Variants in VPS13B observed in about 807,000 individuals in gnomAD.
The protein encoded by VPS13B is intermembrane lipid transfer protein VPS13B.
In VPS13B, 285 loss-of-function variants were observed where a neutral mutation model predicts 426.4. That is an observed-to-expected ratio of 0.67 (90% CI 0.61 to 0.74). VPS13B has a LOEUF of 0.74. Ranked by LOEUF, VPS13B falls within the 30% of genes least tolerant of loss-of-function variation. The probability of loss-of-function intolerance (pLI) is 0.00; values close to 1 mark genes in which losing one functional copy is unlikely to be tolerated. For synonymous variants in VPS13B, 1,676 were observed against 1,676.4 expected, an observed-to-expected ratio of 1.00 and a Z score of 0.01; for missense variants, 4,537 against 4,782.6, an observed-to-expected ratio of 0.95 and a Z score of 1.51.
chr8:99,260,737 T>C (rs1314474557), intron 17 of VPS13B, among the ~76,000 whole-genome samples: 1 of 151,980 alleles, frequency 6.6e-6, no homozygotes. Context: ...AATCTTCTTT[T>C]GAGACTATAT....
chr8:99,511,441 T>C lies in VPS13B; in HGVS notation c.4562T>C (p.Leu1521Ser). 6.2e-7 allele frequency: 1 copy of C among 1,613,506 alleles called. No individual in the cohort carries two copies. The highest frequency in any genetic ancestry group is 8.5e-7 in the Non-Finnish European group (1 of 1,179,930). Residue 1521 changes from leucine (L) to serine (S), a missense_variant, in exon 29 of 62, where the codon TTG becomes TCG. Physicochemically the swap from Leu to Ser is moderately radical, Grantham distance 145. This residue lies in a region of VPS13B where 4,311 missense variants were observed against 4,474.3 expected (regional missense o/e 0.96). Transcript: ENST00000357162. The part of the protein sequence containing the change: ...THTLTSRNLP[L>S]IYVNTSVIRI... ...ACACTGACATCCCGCAATTTACCTT[T>C]GATTTATGTCAACACAAGTGTAATC...
At chr8:99,030,382 C>T (rs79652841) in intron 2 of VPS13B, among the ~76,000 whole-genome samples, 10 of 151,932 alleles carry the variant, frequency 6.6e-5, no homozygotes, top group Non-Finnish European at 1.2e-4. Flanking sequence ...TCTCCGGATA[C>T]TCTGGTTTCC....
In VPS13B at chr8:99,397,735, T is replaced by TTG. The variant is rs1814815501; in HGVS notation, c.3082+6032_3082+6033insGT. On this transcript the variant is annotated intron_variant, in intron 21 of 61. Coordinates refer to ENST00000357162, the MANE Select transcript of VPS13B (RefSeq NM_152564.5). ...TGGTTCATGATGGTGGCTTCAGCAG[T>TTG]TAATCAAGTCTGCATTTCAGTGAGC... 2.6e-5 allele frequency among the ~76,000 whole-genome samples: 4 copies of TTG among 152,180 alleles called. No homozygotes were observed. The South Asian group carries it at 8.3e-4, about 32-fold the overall frequency.
chr8:99,684,354 G>A (rs1489031314), intron 35 of VPS13B, among the ~76,000 whole-genome samples: 2 of 152,144 alleles, frequency 1.3e-5, no homozygotes, highest in African/African-American at 4.8e-5. Context: ...ATTTCCTGGA[G>A]GACAGGGGAA....
At chr8:99,707,163 G>A (rs984573753) in intron 36 of VPS13B, among the ~76,000 whole-genome samples, 1 of 152,112 alleles carries the variant, frequency 6.6e-6, no homozygotes, top group East Asian at 1.9e-4. Flanking sequence ...AGAACTAATA[G>A]CAGTAGTTTG....
At chr8:99,447,207 A>G (rs1817964551) in intron 23 of VPS13B, among the ~76,000 whole-genome samples, 2 of 152,244 alleles carry the variant, frequency 1.3e-5, no homozygotes, top group Middle Eastern at 3.4e-3. Context: ...TACTTCCAAC[A>G]TGTTGGTGGC....
intron 3 of VPS13B, among the ~76,000 whole-genome samples, chr8:99,040,007 T>G (rs1403384381): frequency 6.6e-6 from 1 of 152,188 alleles, no homozygotes; most frequent in Non-Finnish European, 1.5e-5. Flanking sequence ...TAAGTGGTTC[T>G]TAATTATTAT....
chr8:99,564,985 G>C (rs983259698), intron 31 of VPS13B, among the ~76,000 whole-genome samples: 1 of 152,172 alleles, frequency 6.6e-6, no homozygotes, highest in Admixed American at 6.5e-5. Flanking sequence ...CTGAGGAAAT[G>C]TACTGATGTC....
chr8:99,620,417 A>C (rs949729992), intron 33 of VPS13B, among the ~76,000 whole-genome samples: 4 of 152,164 alleles, frequency 2.6e-5, no homozygotes, highest in Admixed American at 1.3e-4. Flanking sequence ...TGGGCAGCCT[A>C]CAGCACCAAA....
rs549564733 is a variant in VPS13B, at chr8:99,476,759, A to G, written c.3667-4840A>G. On this transcript the variant is annotated intron_variant, in intron 24 of 61. Transcript: ENST00000357162. ...TAACTTTTATAAATGAAAACTAAAG[A>G]AAAACATTTTCAGAGAAAAGACTCT... is the stretch of plus-strand genomic sequence containing the variant. Among the ~76,000 whole-genome samples the G allele has an allele frequency of 4.5e-4, 68 of 152,300 alleles. No individual in the cohort carries two copies. The South Asian group carries it at 0.014, about 31-fold the overall frequency.
intron 34 of VPS13B, among the ~76,000 whole-genome samples, chr8:99,659,314 G>A (rs1830136102): frequency 6.6e-6 from 1 of 151,744 alleles, no homozygotes; most frequent in Admixed American, 6.6e-5. Flanking sequence ...TTTTTCTGTT[G>A]GTACCTATAT....
Sources: gnomAD v4.1 joint callset for allele counts (sites outside exome capture counted in the v4.1 genomes callset) on GRCh38, gnomAD v4.1.1 for gene constraint, gnomAD v4.1.1 regional missense constraint, MANE v1.5 for transcripts, NCBI Gene and HGNC (gene_info 2026-07-23, HGNC 2026-07-21) for gene names.